ZNF410: variants seen among roughly 807,000 people sequenced by gnomAD.
ZNF410 encodes the protein zinc finger protein 410.
In ZNF410, 18 loss-of-function variants were observed where a neutral mutation model predicts 54.8. The ratio of observed to expected loss-of-function variants is 0.33; its 90% confidence interval spans 0.23 to 0.49. The LOEUF is 0.49. Ranked by LOEUF, ZNF410 falls within the 20% of genes least tolerant of loss-of-function variation. ZNF410 has a pLI of 0.99. For missense variants in ZNF410, 405 were observed against 569.6 expected, an observed-to-expected ratio of 0.71 and a Z score of 2.94; for synonymous variants, 191 against 207.3, an observed-to-expected ratio of 0.92 and a Z score of 0.68.
rs1312428275 is a variant in ZNF410 at position 73,898,200 on chromosome 14, A to G, written c.518A>G (p.His173Arg). 3 of 1,614,200 alleles carry G rather than the reference A, an allele frequency of 1.9e-6. No individual in the cohort carries two copies. Among genetic ancestry groups the G allele is most frequent in the Non-Finnish European group, 2.5e-6 (3 of 1,180,040 alleles). The change falls in exon 5 of 12, where the codon CAT (histidine) becomes CGT (arginine). Residue 173 changes from histidine to arginine, a missense_variant. Physicochemically the swap from His to Arg is conservative, Grantham distance 29. This residue lies in a region of ZNF410 where 247 missense variants were observed against 342.8 expected (regional missense o/e 0.72). Transcript: ENST00000555044. ...TTCCTCCGGGTTCAGGAGTTGGCCC[A>G]TGACAGTTTGATTGCTGCTACTCGT... ...PWFLRVQELAHDSLIAATRAQ... is the reference protein window; with the variant it reads ...PWFLRVQELARDSLIAATRAQ...
Position 73,931,573 on chromosome 14 carries a change from T to C in ZNF410, c.*32T>C. On this transcript the variant is annotated 3_prime_UTR_variant, in exon 12 of 12. Transcript: ENST00000555044. ...GTGCTGACTCCTGGAAGAGCAACTC[T>C]ATCTGATCTCAAAATGCGTATACTG... 2 of 1,605,268 alleles carry C rather than the reference T, an allele frequency of 1.2e-6. No individual in the cohort carries two copies. Among genetic ancestry groups the C allele is most frequent in the Non-Finnish European group, 1.7e-6 (2 of 1,174,260 alleles).
At chr14:73,919,340 G>A (rs747566826) in intron 8 of ZNF410, among the ~76,000 whole-genome samples, 1 of 151,982 alleles carries the variant, frequency 6.6e-6, no homozygotes, top group South Asian at 2.1e-4. Flanking sequence ...GTGCAGGTTT[G>A]TTACAAGGGT....
chr14:73,922,615 C>T (rs1015103755), intron 10 of ZNF410: 3 of 153,782 alleles, frequency 2.0e-5, no homozygotes, highest in Non-Finnish European at 4.3e-5. Context: ...AAAGGGCTCT[C>T]TAGGAAACAC....
At chr14:73,909,578 T>A in intron 8 of ZNF410, 148 bp downstream of exon 8, 2 of 541,502 alleles carry the variant, frequency 3.7e-6, no homozygotes, top group Non-Finnish European at 3.2e-6. Flanking sequence ...GAATCAGAAA[T>A]CAAGGCCCTT....
chr14:73,894,029 C>G, intron 3 of ZNF410, 97 bp downstream of exon 3: 3 of 1,432,116 alleles, frequency 2.1e-6, no homozygotes, highest in Non-Finnish European at 1.9e-6. Context: ...TAATAACTGA[C>G]TGGTGGAAAC....
chr14:73,898,449 C>G (rs956275079), intron 5 of ZNF410, 187 bp downstream of exon 5: 10 of 653,188 alleles, frequency 1.5e-5, no homozygotes, highest in Non-Finnish European at 1.3e-5. Flanking sequence ...GTGTTCAAAA[C>G]CAACTAGTAT....
intron 3 of ZNF410, 89 bp from the exon 4 acceptor site, chr14:73,896,227 C>A: frequency 2.2e-6 from 2 of 912,540 alleles, no homozygotes; most frequent in Admixed American, 2.3e-5. Flanking sequence ...AGGATGTTAG[C>A]TTCCAAGAGA....
In ZNF410 at chr14:73,931,589, G is replaced by A. The variant is rs2140337895; in HGVS notation, c.*48G>A. ...GAGCAACTCTATCTGATCTCAAAATGCGTATACTGGGAACAGGATGCCTTA... is the reference window on the plus strand; with the variant it reads ...GAGCAACTCTATCTGATCTCAAAATACGTATACTGGGAACAGGATGCCTTA... On this transcript the variant is annotated 3_prime_UTR_variant, in exon 12 of 12. Coordinates refer to ENST00000555044, the MANE Select transcript of ZNF410 (RefSeq NM_021188.3). 1 of 1,568,814 alleles carries A rather than the reference G, an allele frequency of 6.4e-7. No individual in the cohort carries two copies. The highest frequency in any genetic ancestry group is 8.8e-7 in the Non-Finnish European group (1 of 1,141,510).
rs1044579995 is a variant in ZNF410, at chr14:73,897,829, G to A, written c.389-242G>A. Among the ~76,000 whole-genome samples, 12 of 151,972 alleles carry A rather than the reference G, an allele frequency of 7.9e-5. No homozygotes were observed. The East Asian group carries it at 2.1e-3, about 27-fold the overall frequency. ...TCTACTAAAAATACAAAAATTAGCCGGGCGTGGTGGTGCATGCCTGTAATC... is the reference window on the plus strand; with the variant it reads ...TCTACTAAAAATACAAAAATTAGCCAGGCGTGGTGGTGCATGCCTGTAATC... On this transcript the variant is annotated intron_variant, in intron 4 of 11. Transcript: ENST00000555044.
At chr14:73,904,142 T>C (rs747784196) in intron 6 of ZNF410, 32 bp downstream of exon 6, 18 of 1,591,884 alleles carry the variant, frequency 1.1e-5, no homozygotes, top group South Asian at 2.3e-5. Flanking sequence ...TATTTGGATA[T>C]ACGTTGATGC....
intron 8 of ZNF410, among the ~76,000 whole-genome samples, chr14:73,918,642 GCTTT>G (rs1238453024): frequency 6.9e-6 from 1 of 144,496 alleles, no homozygotes; most frequent in East Asian, 2.0e-4. Flanking sequence ...CCATTAATCT[GCTTT>G]CTGTGTCTGG....
rs201137210 is a variant in ZNF410, at chr14:73,931,464, A to G, written c.1399-39A>G. On this transcript the variant is annotated intron_variant, in intron 11 of 11. Transcript: ENST00000555044. ...TATGAATTATTTTTTCTATAATTCAACTGTAACCTATTCTAGATTTGCTTT... is the reference window on the plus strand; with the variant it reads ...TATGAATTATTTTTTCTATAATTCAGCTGTAACCTATTCTAGATTTGCTTT... 7 of 1,569,000 alleles carry G rather than the reference A, an allele frequency of 4.5e-6. No homozygotes were observed. In the Admixed American group the frequency reaches 8.6e-5, roughly 19 times the overall value.
At chr14:73,914,324 C>A (rs1321453885) in intron 8 of ZNF410, 1 of 152,442 alleles carries the variant, frequency 6.6e-6, no homozygotes, top group Non-Finnish European at 1.5e-5. Context: ...CAGGCATACA[C>A]CACCACACCC....
At chr14:73,929,738 G>T (rs1156807048) in intron 11 of ZNF410, among the ~76,000 whole-genome samples, 1 of 151,800 alleles carries the variant, frequency 6.6e-6, no homozygotes, top group Non-Finnish European at 1.5e-5. Context: ...GATCACTTGG[G>T]CCCAGGAAGT....
intron 8 of ZNF410, among the ~76,000 whole-genome samples, chr14:73,918,042 C>T (rs1182037689): frequency 6.6e-6 from 1 of 152,066 alleles, no homozygotes; most frequent in African/African-American, 2.4e-5. Flanking sequence ...CCTAATACAA[C>T]GTAAATGCTA....
At chr14:73,904,280 T>C (rs1016302263) in intron 6 of ZNF410, among the ~76,000 whole-genome samples, 170 bp downstream of exon 6, 1 of 152,222 alleles carries the variant, frequency 6.6e-6, no homozygotes, top group African/African-American at 2.4e-5. Context: ...GTCTCATTTA[T>C]CTCATTCTTG....
chr14:73,918,944 C>T (rs1303426912), intron 8 of ZNF410, among the ~76,000 whole-genome samples: 9 of 148,698 alleles, frequency 6.1e-5, no homozygotes, highest in Middle Eastern at 3.6e-3. Flanking sequence ...GTGATCCTCC[C>T]GCCTCAGCCT....
rs773785291 is a variant in ZNF410, at chr14:73,932,395, C to T, written c.*854C>T. 13 of 440,632 alleles carry T rather than the reference C, an allele frequency of 3.0e-5. No individual in the cohort carries two copies. Among genetic ancestry groups the T allele is most frequent in the Middle Eastern group, 6.7e-4 (2 of 3,002 alleles). 27.3% of individuals were successfully genotyped at this position (440,632 alleles called of 1,614,324 possible). A position where few individuals can be genotyped will look rare whatever the true frequency, so the allele number is the denominator to read the frequency against. On this transcript the variant is annotated 3_prime_UTR_variant, in exon 12 of 12. Transcript: ENST00000555044. ...GGATTCCATACCAGTAAAACTGAAC[C>T]GAGGAGTCTTAGGAAACAACAAGAA...
intron 5 of ZNF410, among the ~76,000 whole-genome samples, chr14:73,901,420 ATT>A (rs369316873): frequency 8.0e-5 from 11 of 138,082 alleles, no homozygotes; most frequent in Admixed American, 1.5e-4. Context: ...TTTCTGAGGG[ATT>A]TTTTTTTTTT....
Sources: allele counts gnomAD v4.1 joint callset (sites outside exome capture counted in the v4.1 genomes callset), GRCh38; gene constraint gnomAD v4.1.1; regional missense constraint gnomAD v4.1.1; transcripts MANE v1.5; gene names NCBI Gene and HGNC (gene_info 2026-07-23, HGNC 2026-07-21).